Variants in OPCML observed in about 807,000 individuals in gnomAD.
The protein encoded by OPCML is opioid-binding protein/cell adhesion molecule.
OPCML carries 13 observed loss-of-function variants against 37.8 expected under a neutral mutation model. The ratio of observed to expected loss-of-function variants is 0.34; its 90% CI spans 0.22 to 0.55. The LOEUF is 0.55. Ranked by LOEUF, OPCML falls within the 20% of genes least tolerant of loss-of-function variation. The pLI is 0.91. For missense variants in OPCML, 341 were observed against 435.6 expected, an observed-to-expected ratio of 0.78 and a Z score of 1.93; for synonymous variants, 176 against 168.8, an observed-to-expected ratio of 1.04 and a Z score of -0.33.
chr11:132,480,360 G>A (rs759495999), intron 4 of OPCML, among the ~76,000 whole-genome samples: 2 of 152,168 alleles, frequency 1.3e-5, no homozygotes, highest in Non-Finnish European at 2.9e-5. Context: ...GAAGAAATAT[G>A]GGACTATGTG....
chr11:133,209,405 C>T (rs1238157724), intron 1 of OPCML, among the ~76,000 whole-genome samples: 1 of 152,092 alleles, frequency 6.6e-6, no homozygotes, highest in Non-Finnish European at 1.5e-5. Flanking sequence ...TGTCTTAATG[C>T]CACAAAATTA....
At chr11:133,286,205 C>T (rs936983735) in intron 1 of OPCML, among the ~76,000 whole-genome samples, 4 of 152,116 alleles carry the variant, frequency 2.6e-5, no homozygotes, top group African/African-American at 7.2e-5. Context: ...AATTCCAGCA[C>T]TTTGGGAGGC....
intron 2 of OPCML, among the ~76,000 whole-genome samples, chr11:132,928,078 T>C (rs1243761473): frequency 6.6e-6 from 1 of 151,430 alleles, no homozygotes; most frequent in Non-Finnish European, 1.5e-5. Context: ...AACTATAAAG[T>C]GTACAGAAAA....
Position 133,141,027 on chromosome 11 carries a change from C to CGAAGAAGAAGAAGAAGAA in OPCML, c.62-198018_62-198017insTTCTTCTTCTTCTTCTTC, listed in dbSNP as rs1196961036. Reference sequence around the variant, plus strand: ...ACGACGACGACGACGACGACGACGACGACGACGACGACGACGACGACGAAG... The same window carrying CGAAGAAGAAGAAGAAGAA: ...ACGACGACGACGACGACGACGACGACGAAGAAGAAGAAGAAGAAGACGACGACGACGACGACGACGAAG... On this transcript the variant is annotated intron_variant, in intron 1 of 7. Coordinates refer to ENST00000524381, the MANE Select transcript of OPCML (RefSeq NM_001012393.5). Among the ~76,000 whole-genome samples the CGAAGAAGAAGAAGAAGAA allele has an allele frequency of 2.7e-4, 2 of 7,452 alleles. 1 individual carries two copies. The highest frequency in any genetic ancestry group is 5.5e-4 in the African/African-American group (2 of 3,614). The allele number at this position is 7,452 out of a possible 152,430, so 4.9% of individuals were successfully genotyped here.
intron 2 of OPCML, among the ~76,000 whole-genome samples, chr11:132,814,234 G>C (rs1939504687): frequency 6.6e-6 from 1 of 152,142 alleles, no homozygotes; most frequent in South Asian, 2.1e-4. Context: ...TTTCAGTCAA[G>C]GTTCTTCAGA....
At chr11:132,705,758 G>A (rs1565791338) in intron 2 of OPCML, among the ~76,000 whole-genome samples, 1 of 152,100 alleles carries the variant, frequency 6.6e-6, no homozygotes. Flanking sequence ...TCTAAAGCCT[G>A]CAGAACTGTG....
chr11:132,672,117 G>C (rs879742090), intron 2 of OPCML, among the ~76,000 whole-genome samples: 8 of 152,018 alleles, frequency 5.3e-5, no homozygotes, highest in Non-Finnish European at 7.4e-5. Context: ...AGTCCAGCTG[G>C]GGTCTCTCAT....
chr11:133,397,258 C>T (rs908195496), intron 1 of OPCML, among the ~76,000 whole-genome samples: 1 of 152,122 alleles, frequency 6.6e-6, no homozygotes, highest in African/African-American at 2.4e-5. Flanking sequence ...CTATGTTTCC[C>T]TTCAATACCT....
At chr11:133,503,904 A>C (rs1370974851) in intron 1 of OPCML, among the ~76,000 whole-genome samples, 1 of 152,198 alleles carries the variant, frequency 6.6e-6, no homozygotes, top group Non-Finnish European at 1.5e-5. Flanking sequence ...AGCAGGGTGC[A>C]GAGGAGATGG....
intron 3 of OPCML, among the ~76,000 whole-genome samples, chr11:132,567,597 G>T (rs935673834): frequency 6.6e-6 from 1 of 152,164 alleles, no homozygotes; most frequent in African/African-American, 2.4e-5. Flanking sequence ...TCGGGCAGGG[G>T]GAGGCAAGGT....
intron 1 of OPCML, among the ~76,000 whole-genome samples, chr11:133,499,872 ATAT>A (rs1272293274): frequency 6.0e-5 from 7 of 115,744 alleles, no homozygotes; most frequent in African/African-American, 2.4e-4. Context: ...ATATATATAT[ATAT>A]TTTTTTTTTT....
In OPCML at chr11:133,183,264, G is replaced by A. The variant is rs1019397355; in HGVS notation, c.62-240254C>T. Among the ~76,000 whole-genome samples the A allele has an allele frequency of 2.6e-5, 4 of 152,166 alleles. No homozygotes were observed. The South Asian group carries it at 6.2e-4, about 24-fold the overall frequency. ...AATAAGAAACGCACACTGACTGCAC[G>A]ATTTCTGCTGGATAAAGCAGAGACA... On this transcript the variant is annotated intron_variant, in intron 1 of 7. Coordinates refer to ENST00000524381, the MANE Select transcript of OPCML (RefSeq NM_001012393.5).
intron 1 of OPCML, among the ~76,000 whole-genome samples, chr11:133,134,905 A>G (rs561166837): frequency 9.2e-4 from 140 of 152,008 alleles, no homozygotes; most frequent in South Asian, 1.5e-3. Flanking sequence ...TTTTACTTGT[A>G]TTTTCTGGAG....
intron 2 of OPCML, among the ~76,000 whole-genome samples, chr11:132,850,178 C>G (rs554026976): frequency 6.6e-6 from 1 of 152,218 alleles, no homozygotes; most frequent in Middle Eastern, 3.4e-3. Context: ...AACAAAGTCC[C>G]TCTGGGAAAC....
intron 2 of OPCML, among the ~76,000 whole-genome samples, chr11:132,770,659 G>A (rs1946605774): frequency 6.6e-6 from 1 of 152,154 alleles, no homozygotes; most frequent in Non-Finnish European, 1.5e-5. Flanking sequence ...GAGCTGCTAA[G>A]CCAAGGAGTC....
At chr11:133,287,371 C>T (rs1432275665) in intron 1 of OPCML, among the ~76,000 whole-genome samples, 1 of 148,204 alleles carries the variant, frequency 6.7e-6, no homozygotes, top group African/African-American at 2.5e-5. Flanking sequence ...CTTGGCCTCC[C>T]GACGTGCTGG....
intron 4 of OPCML, among the ~76,000 whole-genome samples, chr11:132,465,354 A>G (rs2096116347): frequency 6.6e-6 from 1 of 152,202 alleles, no homozygotes. Context: ...CTTATTCACA[A>G]CAAAGCCACA....
In OPCML at chr11:133,145,751, C is replaced by T. The variant is rs369692517; in HGVS notation, c.62-202741G>A. ...TGAGGCCCTGAGCTGGTGCTGTGCCCTCAGCTGTGTGCCGGAGGGGTCAGC... is the reference window on the plus strand; with the variant it reads ...TGAGGCCCTGAGCTGGTGCTGTGCCTTCAGCTGTGTGCCGGAGGGGTCAGC... On this transcript the variant is annotated intron_variant, in intron 1 of 7. Coordinates refer to ENST00000524381, the MANE Select transcript of OPCML (RefSeq NM_001012393.5). Among the ~76,000 whole-genome samples, 5 of 152,296 alleles carry T rather than the reference C, an allele frequency of 3.3e-5. No individual in the cohort carries two copies. In the South Asian group the frequency reaches 8.3e-4, roughly 25 times the overall value.
At chr11:133,487,259 G>C (rs1318027316) in intron 1 of OPCML, among the ~76,000 whole-genome samples, 1 of 152,008 alleles carries the variant, frequency 6.6e-6, no homozygotes, top group African/African-American at 2.4e-5. Context: ...TCTAATCCTT[G>C]TCTGTCTCTG....
Sources: allele counts gnomAD v4.1 joint callset (sites outside exome capture counted in the v4.1 genomes callset), GRCh38; gene constraint gnomAD v4.1.1; transcripts MANE v1.5; gene names NCBI Gene and HGNC (gene_info 2026-07-23, HGNC 2026-07-21).